Variants in AHR observed in about 807,000 individuals in gnomAD.
AHR encodes AH-receptor.
A neutral mutation model predicts 86.8 loss-of-function variants in AHR; 40 were observed. The observed-to-expected ratio is 0.46, with a 90% CI of 0.36 to 0.60. The LOEUF is 0.60. AHR is among the 20% of genes least tolerant of loss of function. AHR has a pLI of 0.00. For synonymous variants in AHR, 398 were observed against 354.9 expected, an observed-to-expected ratio of 1.12 and a Z score of -1.37; for missense variants, 1,001 against 1,011.6, an observed-to-expected ratio of 0.99 and a Z score of 0.14.
intron 2 of AHR, among the ~76,000 whole-genome samples, chr7:17,321,774 A>C (rs1034999913): frequency 3.9e-5 from 6 of 152,030 alleles, no homozygotes; most frequent in Non-Finnish European, 8.8e-5. Context: ...CCTAGGAGTA[A>C]ATATAAAGAT....
chr7:17,335,103 AACTTCT>A, intron 8 of AHR, 107 bp downstream of exon 8: 1 of 701,488 alleles, frequency 1.4e-6, no homozygotes, highest in Non-Finnish European at 2.4e-6. Flanking sequence ...TATATGGATA[AACTTCT>A]ACTTAGTAAC....
intron 2 of AHR, among the ~76,000 whole-genome samples, chr7:17,313,921 T>C (rs146716346): frequency 1.4e-3 from 212 of 152,256 alleles, no homozygotes; most frequent in African/African-American, 5.0e-3. Context: ...CTCAAAATTG[T>C]TAAACAGTGT....
chr7:17,320,223 T>A (rs183773251), intron 2 of AHR, among the ~76,000 whole-genome samples: 93 of 152,210 alleles, frequency 6.1e-4, no homozygotes, highest in African/African-American at 2.2e-3. Context: ...TTTCTAGTTA[T>A]TTCCATAGCT....
In AHR at chr7:17,344,523, T is replaced by A. The variant is rs1482598825; in HGVS notation, c.*1459T>A. The stretch of plus-strand genomic sequence containing the variant: ...GTTCGTTTACCTTCAAACTTTAGGT[T>A]TTTTTAATGATATACTGATCTTCAT... On this transcript the variant is annotated 3_prime_UTR_variant, in exon 11 of 11. Coordinates refer to ENST00000242057, the MANE Select transcript of AHR (RefSeq NM_001621.5). 1 of 152,682 alleles carries A rather than the reference T, an allele frequency of 6.5e-6. No homozygotes were observed. Among genetic ancestry groups the A allele is most frequent in the Non-Finnish European group, 1.5e-5 (1 of 68,024 alleles). 9.5% of individuals were successfully genotyped at this position (152,682 alleles called of 1,614,324 possible).
intron 3 of AHR, among the ~76,000 whole-genome samples, chr7:17,323,145 C>G (rs925268272): frequency 6.6e-6 from 1 of 151,942 alleles, no homozygotes; most frequent in African/African-American, 2.4e-5. Context: ...CCGGTCAACC[C>G]CTTCTGTTGT....
Position 17,299,336 on chromosome 7 carries a change from G to T in AHR, c.65+7G>T. ...GGAAGCCGGTGCAGAAAACGTGAGT[G>T]TCCCGAGCGCGTCCTCATCGCGGGG... On this transcript the variant is annotated splice_region_variant and intron_variant, in intron 1 of 10. Transcript: ENST00000242057. 6.2e-7 allele frequency: 1 copy of T among 1,612,174 alleles called. No individual in the cohort carries two copies. Among genetic ancestry groups the T allele is most frequent in the South Asian group, 1.1e-5 (1 of 90,946 alleles).
At chr7:17,334,495 CAT>C (rs1192984126) in intron 7 of AHR, among the ~76,000 whole-genome samples, 1 of 151,976 alleles carries the variant, frequency 6.6e-6, no homozygotes, top group Non-Finnish European at 1.5e-5. Flanking sequence ...TCATATCAAA[CAT>C]ATCAGTGCTT....
chr7:17,310,416 C>G (rs145647804), intron 2 of AHR, among the ~76,000 whole-genome samples: 3,331 of 151,792 alleles, frequency 0.022, 50 homozygotes, highest in Middle Eastern at 0.034. Context: ...CCTTCTACTT[C>G]AATATTTAAA....
chr7:17,341,464 T>G (rs899947899), intron 10 of AHR, among the ~76,000 whole-genome samples: 5 of 152,166 alleles, frequency 3.3e-5, no homozygotes, highest in African/African-American at 1.2e-4. Flanking sequence ...TTCTTTGCAG[T>G]GTTTTCCCCT....
intron 2 of AHR, among the ~76,000 whole-genome samples, chr7:17,312,166 A>ATG (rs1199984914): frequency 2.0e-5 from 3 of 152,168 alleles, no homozygotes; most frequent in Non-Finnish European, 4.4e-5. Flanking sequence ...ATTTACTCAC[A>ATG]TGCTGTGCTT....
At chr7:17,334,816 A>C in intron 7 of AHR, 71 bp from the exon 8 acceptor site, 15 of 1,125,638 alleles carry the variant, frequency 1.3e-5, no homozygotes, top group Non-Finnish European at 1.8e-5. Flanking sequence ...AAACCAATGA[A>C]TTTATCTTGG....
intron 5 of AHR, 85 bp downstream of exon 5, chr7:17,330,160 G>A: frequency 7.7e-7 from 1 of 1,305,240 alleles, no homozygotes; most frequent in East Asian, 2.4e-5. Context: ...TAGGGTCATA[G>A]AACTCCATGA....
chr7:17,301,965 G>A lies in AHR; in HGVS notation c.65+2636G>A, dbSNP rs535523794. 5.9e-5 allele frequency among the ~76,000 whole-genome samples: 9 copies of A among 151,996 alleles called. No individual in the cohort carries two copies. In the South Asian group the frequency reaches 1.9e-3, roughly 32 times the overall value. Reference sequence around the variant, plus strand: ...TACTTAGTGACCCTACTCAGAAAAAGAGAACAAATCCTGTGTTTATTTTAT... The same window carrying A: ...TACTTAGTGACCCTACTCAGAAAAAAAGAACAAATCCTGTGTTTATTTTAT... On this transcript the variant is annotated intron_variant, in intron 1 of 10. Transcript: ENST00000242057.
chr7:17,330,070 T>A lies in AHR; in HGVS notation c.569T>A (p.Ile190Asn). ...CAGTGTACAGAGTCTGGACAAGGAA[T>A]TGAAGGTAAGAATTGATGGTACAAA... ...PSQCTESGQG[I>N]EEATGLPQTV... is the part of the protein sequence containing the mutation. The change falls in exon 5 of 11, where the codon ATT becomes AAT. Residue 190 changes from isoleucine (I) to asparagine (N), a missense_variant. By Grantham distance (149) the Ile-to-Asn change is moderately radical. Coordinates refer to ENST00000242057, the MANE Select transcript of AHR (RefSeq NM_001621.5). 6.2e-7 allele frequency: 1 copy of A among 1,606,814 alleles called. No individual in the cohort carries two copies. Among genetic ancestry groups the A allele is most frequent in the Non-Finnish European group, 8.5e-7 (1 of 1,176,676 alleles).
Position 17,305,399 on chromosome 7 carries a change from G to T in AHR, c.66-4537G>T, listed in dbSNP as rs192958963. On this transcript the variant is annotated intron_variant, in intron 1 of 10. Transcript: ENST00000242057. The stretch of plus-strand genomic sequence containing the variant: ...TGAAGAATGAATGGGGTTAAGAGTT[G>T]GGCTTTATTGGGTGTAGGTAGTATG... Among the ~76,000 whole-genome samples, 21 of 152,268 alleles carry T rather than the reference G, an allele frequency of 1.4e-4. No individual in the cohort carries two copies. In the East Asian group the frequency reaches 4.0e-3, roughly 29 times the overall value.
chr7:17,325,113 A>T (rs930556576), intron 3 of AHR, among the ~76,000 whole-genome samples: 7 of 152,164 alleles, frequency 4.6e-5, no homozygotes, highest in Non-Finnish European at 1.0e-4. Context: ...AAGAATGATG[A>T]TCTCTTTTAT....
chr7:17,332,730 T>C (rs2093285275), intron 6 of AHR, among the ~76,000 whole-genome samples: 1 of 151,970 alleles, frequency 6.6e-6, no homozygotes, highest in Non-Finnish European at 1.5e-5. Flanking sequence ...TAAACTGTGC[T>C]GGGATTACAG....
At chr7:17,325,881 A>C (rs897479455) in intron 3 of AHR, among the ~76,000 whole-genome samples, 2 of 152,202 alleles carry the variant, frequency 1.3e-5, no homozygotes, top group African/African-American at 4.8e-5. Context: ...AATAATCTGT[A>C]CAACAAACCC....
chr7:17,333,250 A>C (rs1319099480), intron 6 of AHR, among the ~76,000 whole-genome samples: 4 of 151,940 alleles, frequency 2.6e-5, no homozygotes, highest in Non-Finnish European at 1.5e-5. Context: ...ATCTGTGTGC[A>C]GGAGGGCCTT....
Sources: allele counts gnomAD v4.1 joint callset (sites outside exome capture counted in the v4.1 genomes callset), GRCh38; gene constraint gnomAD v4.1.1; transcripts MANE v1.5; gene names NCBI Gene and HGNC (gene_info 2026-07-23, HGNC 2026-07-21).